PLEKHA7: variants seen among roughly 807,000 people sequenced by gnomAD.
The protein encoded by PLEKHA7 is pleckstrin homology domain-containing family A member 7.
In PLEKHA7, 104 loss-of-function variants were observed where a neutral mutation model predicts 170.0. That is an observed-to-expected ratio of 0.61 (90% CI 0.52 to 0.72). The LOEUF is 0.72. Ranked by LOEUF, PLEKHA7 falls within the 30% of genes least tolerant of loss-of-function variation. PLEKHA7 has a pLI of 0.00. For missense variants in PLEKHA7, 1,615 were observed against 1,671.7 expected (o/e 0.97, Z 0.59); for synonymous variants, 648 against 660.8 (o/e 0.98, Z 0.30).
At chr11:16,882,658 T>G (rs1366348914) in intron 3 of PLEKHA7, among the ~76,000 whole-genome samples, 2 of 152,176 alleles carry the variant, frequency 1.3e-5, no homozygotes, top group African/African-American at 4.8e-5. Flanking sequence ...CTAAAAAGAC[T>G]GGATTAGGTT....
intron 13 of PLEKHA7, among the ~76,000 whole-genome samples, chr11:16,805,029 G>T (rs1051278523): frequency 6.6e-6 from 1 of 152,236 alleles, no homozygotes; most frequent in African/African-American, 2.4e-5. Flanking sequence ...AAGCAGTGAA[G>T]TCTTCGCTCT....
intron 19 of PLEKHA7, among the ~76,000 whole-genome samples, chr11:16,793,095 C>A (rs1028288890): frequency 9.9e-5 from 15 of 152,166 alleles, no homozygotes; most frequent in African/African-American, 3.6e-4. Flanking sequence ...TGAGGAGGAG[C>A]CTCTGTGACC....
intron 26 of PLEKHA7, among the ~76,000 whole-genome samples, chr11:16,779,982 G>C (rs993738908): frequency 2.0e-3 from 27 of 13,502 alleles, no homozygotes; most frequent in Admixed American, 5.9e-3. Context: ...AAACGGGGAG[G>C]GGGGGGGGAA....
intron 3 of PLEKHA7, among the ~76,000 whole-genome samples, chr11:16,875,352 A>ACT (rs543953042): frequency 2.7e-5 from 4 of 147,536 alleles, no homozygotes; most frequent in Non-Finnish European, 3.0e-5. Flanking sequence ...TAGAATACTA[A>ACT]ATTTTTTTTT....
intron 3 of PLEKHA7, among the ~76,000 whole-genome samples, chr11:16,882,289 C>G (rs1458324396): frequency 1.3e-5 from 2 of 152,164 alleles, no homozygotes; most frequent in Admixed American, 6.5e-5. Flanking sequence ...CTAATACTAC[C>G]TGTAGTGAAT....
intron 3 of PLEKHA7, among the ~76,000 whole-genome samples, chr11:16,923,304 T>G (rs1859235764): frequency 1.3e-5 from 2 of 152,138 alleles, no homozygotes; most frequent in African/African-American, 4.8e-5. Flanking sequence ...CTTCAAATCC[T>G]CAACTCACAG....
intron 3 of PLEKHA7, among the ~76,000 whole-genome samples, chr11:17,003,369 T>A (rs574964029): frequency 6.6e-6 from 1 of 152,160 alleles, no homozygotes; most frequent in Non-Finnish European, 1.5e-5. Context: ...ACTCCGGCAA[T>A]CCTAGTTCAA....
chr11:16,999,514 A>G (rs576400643), intron 3 of PLEKHA7, among the ~76,000 whole-genome samples: 5 of 152,146 alleles, frequency 3.3e-5, no homozygotes, highest in African/African-American at 1.2e-4. Flanking sequence ...CCCAACCCAC[A>G]CTGAGAAAAC....
chr11:16,940,290 T>G (rs1254155247), intron 3 of PLEKHA7, among the ~76,000 whole-genome samples: 3 of 147,148 alleles, frequency 2.0e-5, no homozygotes, highest in Non-Finnish European at 3.0e-5. Flanking sequence ...TGTTTTTTTT[T>G]TTTTTTTTTT....
chr11:16,782,907 G>A lies in PLEKHA7; in HGVS notation c.3651-11C>T, dbSNP rs748283278. 6.5e-6 allele frequency: 10 copies of A among 1,535,522 alleles called. No homozygotes were observed. The South Asian group carries it at 8.3e-5, about 13-fold the overall frequency. ...TGTAGGTTGCACATGCTGTAGGAGG[G>A]TCGGAAGCAGACCATGGGCCCTCCT... On this transcript the variant is annotated splice_polypyrimidine_tract_variant and intron_variant, in intron 25 of 26. Coordinates refer to ENST00000531066, the MANE Select transcript of PLEKHA7 (RefSeq NM_001329630.2).
At chr11:16,800,443 G>T (rs1021277478) in intron 17 of PLEKHA7, among the ~76,000 whole-genome samples, 1 of 152,192 alleles carries the variant, frequency 6.6e-6, no homozygotes. Flanking sequence ...TGGTATAGGG[G>T]TCACAGAGAT....
chr11:16,933,876 C>A (rs1860109983), intron 3 of PLEKHA7, among the ~76,000 whole-genome samples: 1 of 152,180 alleles, frequency 6.6e-6, no homozygotes, highest in African/African-American at 2.4e-5. Flanking sequence ...AATCGCAGCA[C>A]AAGATTGTAA....
In PLEKHA7 at chr11:16,816,996, A is replaced by G. The variant is rs755864522; in HGVS notation, c.1670T>C (p.Met557Thr). The change falls in exon 11 of 27, where the codon ATG becomes ACG. Residue 557 changes from methionine to threonine, a missense_variant. Coordinates refer to ENST00000531066, the MANE Select transcript of PLEKHA7 (RefSeq NM_001329630.2). ...EFTDQGRSRSMLEVPRSISVP... is the reference protein window; with the variant it reads ...EFTDQGRSRSTLEVPRSISVP... ...AGAGATGGAGCGGGGCACCTCTAGC[A>G]TGCTCCTGCTCCGGCCCTGGTCGGT... 1 of 1,605,436 alleles carries G rather than the reference A, an allele frequency of 6.2e-7. No homozygotes were observed. The highest frequency in any genetic ancestry group is 1.1e-5 in the South Asian group (1 of 89,410).
At chr11:16,898,020 T>C (rs1358286259) in intron 3 of PLEKHA7, among the ~76,000 whole-genome samples, 2 of 152,136 alleles carry the variant, frequency 1.3e-5, no homozygotes, top group South Asian at 2.1e-4. Flanking sequence ...ATTAAGGCCA[T>C]TCCTTTTTTT....
At chr11:16,866,004 A>AT (rs564947128) in intron 4 of PLEKHA7, among the ~76,000 whole-genome samples, 36 of 151,418 alleles carry the variant, frequency 2.4e-4, no homozygotes, top group African/African-American at 8.7e-4. Flanking sequence ...CACCAGGTTA[A>AT]TTTTTTGTAT....
chr11:16,905,708 T>G (rs1292632441), intron 3 of PLEKHA7, among the ~76,000 whole-genome samples: 1 of 152,188 alleles, frequency 6.6e-6, no homozygotes, highest in East Asian at 1.9e-4. Flanking sequence ...TTCATTCCCT[T>G]AAGCATTCTT....
Position 16,794,622 on chromosome 11 carries a change from T to A in PLEKHA7, c.2611A>T (p.Ser871Cys). 6 of 1,613,780 alleles carry A rather than the reference T, an allele frequency of 3.7e-6. No homozygotes were observed. The highest frequency in any genetic ancestry group is 5.1e-6 in the Non-Finnish European group (6 of 1,179,876). ...ACCTCCAGAGGGGTCCGCACAGGGCTGGTGGGAGGACTGGGCTGTGGGGGC... is the reference window on the plus strand; with the variant it reads ...ACCTCCAGAGGGGTCCGCACAGGGCAGGTGGGAGGACTGGGCTGTGGGGGC... Reference protein sequence around the residue: ...KPPPQPSPPTSPVRTPLEVRL... With the variant: ...KPPPQPSPPTCPVRTPLEVRL... The change falls in exon 19 of 27, where the codon AGC becomes TGC. Residue 871 changes from serine to cysteine, a missense_variant. Ser to Cys is a moderately radical substitution (Grantham distance 112). Transcript: ENST00000531066.
chr11:16,945,072 G>A (rs1860943383), intron 3 of PLEKHA7, among the ~76,000 whole-genome samples: 4 of 151,998 alleles, frequency 2.6e-5, no homozygotes, highest in Admixed American at 1.3e-4. Context: ...GAGTAGCTGC[G>A]TTACAAGCAT....
chr11:17,013,847 A>T, intron 3 of PLEKHA7, 142 bp downstream of exon 3: 2 of 997,496 alleles, frequency 2.0e-6, no homozygotes, highest in Non-Finnish European at 2.7e-6. Flanking sequence ...GGGCACACAA[A>T]ACGTTGAGTG....
Sources: gnomAD v4.1 joint callset for allele counts (sites outside exome capture counted in the v4.1 genomes callset) on GRCh38, gnomAD v4.1.1 for gene constraint, MANE v1.5 for transcripts, NCBI Gene and HGNC (gene_info 2026-07-23, HGNC 2026-07-21) for gene names.